SORCS1: variants seen among roughly 807,000 people sequenced by gnomAD.
The protein encoded by SORCS1 is VPS10 domain-containing receptor SorCS1.
Under a neutral mutation model 146.1 loss-of-function variants are expected in SORCS1, and 60 were observed. The ratio of observed to expected loss-of-function variants is 0.41; its 90% CI spans 0.33 to 0.51. The LOEUF is 0.51. Among genes scored for constraint, SORCS1 ranks in the 20% least tolerant of loss-of-function variants. The probability of loss-of-function intolerance (pLI) is 0.21; values close to 1 mark genes in which losing one functional copy is unlikely to be tolerated. For synonymous variants in SORCS1, 637 were observed against 584.0 expected (o/e 1.09, Z -1.31); for missense variants, 1,352 against 1,487.6 (o/e 0.91, Z 1.50).
intron 5 of SORCS1, among the ~76,000 whole-genome samples, chr10:106,747,029 C>G (rs1055317800): frequency 2.0e-5 from 3 of 152,328 alleles, no homozygotes; most frequent in Admixed American, 2.0e-4. Flanking sequence ...CTGTTCAGCA[C>G]ATGATAATGG....
At chr10:106,828,189 T>C (rs1303349711) in intron 3 of SORCS1, among the ~76,000 whole-genome samples, 1 of 152,170 alleles carries the variant, frequency 6.6e-6, no homozygotes, top group African/African-American at 2.4e-5. Context: ...TACTTGGTAA[T>C]AGGTTTAGCT....
At chr10:106,593,877 C>T (rs1220189636) in intron 24 of SORCS1, among the ~76,000 whole-genome samples, 6 of 152,190 alleles carry the variant, frequency 3.9e-5, no homozygotes, top group Non-Finnish European at 7.3e-5. Flanking sequence ...CCAAAATATA[C>T]CTCCCTTTTG....
intron 3 of SORCS1, among the ~76,000 whole-genome samples, chr10:106,829,018 G>GGGA (rs1256188360): frequency 6.6e-6 from 1 of 152,150 alleles, no homozygotes; most frequent in Non-Finnish European, 1.5e-5. Context: ...GCTTCTTGAA[G>GGGA]CTAAGATCCA....
intron 1 of SORCS1, among the ~76,000 whole-genome samples, chr10:107,034,710 A>AAAAAAAAAAAAAAAAAAAAG (rs1958820130): frequency 7.0e-6 from 1 of 143,270 alleles, no homozygotes; most frequent in Non-Finnish European, 1.5e-5. Context: ...AAAAAAAACA[A>AAAAAAAAAAAAAAAAAAAAG]TGTTCATAGA....
chr10:106,624,953 GC>G (rs1346341417), intron 19 of SORCS1, among the ~76,000 whole-genome samples: 1 of 152,158 alleles, frequency 6.6e-6, no homozygotes, highest in Non-Finnish European at 1.5e-5. Context: ...GACCCTGGAG[GC>G]CCCCAGCTGG....
In SORCS1 at chr10:106,577,346, G is replaced by A. The variant is rs1844628715; in HGVS notation, c.*74C>T. 7 of 1,612,106 alleles carry A rather than the reference G, an allele frequency of 4.3e-6. No homozygotes were observed. The highest frequency in any genetic ancestry group is 5.1e-6 in the Non-Finnish European group (6 of 1,179,032). ...AAAAAAACACAAAGTTAGTGGTCAT[G>A]AAGGATGATGTACTTGACAAGAGCG... On this transcript the variant is annotated 3_prime_UTR_variant, in exon 26 of 26. Transcript: ENST00000263054.
chr10:106,706,508 G>A lies in SORCS1; in HGVS notation c.1233+37C>T, dbSNP rs766633470. On this transcript the variant is annotated intron_variant, in intron 8 of 25. Coordinates refer to ENST00000263054, the MANE Select transcript of SORCS1 (RefSeq NM_052918.5). ...TGGAGGCTGGCTTCTGTGAATGAGAGTCAAGAGTGAAATGAAGAAAGTGAT... is the reference window on the plus strand; with the variant it reads ...TGGAGGCTGGCTTCTGTGAATGAGAATCAAGAGTGAAATGAAGAAAGTGAT... 9 of 1,594,720 alleles carry A rather than the reference G, an allele frequency of 5.6e-6. No individual in the cohort carries two copies. The East Asian group carries it at 1.1e-4, about 20-fold the overall frequency.
intron 1 of SORCS1, among the ~76,000 whole-genome samples, chr10:106,996,387 A>T (rs1957005382): frequency 6.6e-6 from 1 of 152,184 alleles, no homozygotes; most frequent in South Asian, 2.1e-4. Flanking sequence ...TTCATCTACA[A>T]TTTAAATAAT....
At chr10:107,147,439 A>G (rs141276386) in intron 1 of SORCS1, among the ~76,000 whole-genome samples, 1 of 152,254 alleles carries the variant, frequency 6.6e-6, no homozygotes, top group Non-Finnish European at 1.5e-5. Context: ...CCTCCCTGCC[A>G]CAAGGGAGCT....
chr10:107,004,840 T>C (rs1170760986), intron 1 of SORCS1, among the ~76,000 whole-genome samples: 1 of 152,102 alleles, frequency 6.6e-6, no homozygotes, highest in Non-Finnish European at 1.5e-5. Context: ...TAAATTCCCA[T>C]AAATATGCTG....
intron 16 of SORCS1, among the ~76,000 whole-genome samples, chr10:106,669,133 G>T (rs140041809): frequency 2.6e-5 from 4 of 152,154 alleles, no homozygotes; most frequent in African/African-American, 7.2e-5. Flanking sequence ...ATGAATGCAG[G>T]GATTGGGCCA....
At chr10:106,769,484 C>CAAAA (rs61628916) in intron 4 of SORCS1, among the ~76,000 whole-genome samples, 38 of 83,924 alleles carry the variant, frequency 4.5e-4, no homozygotes, top group East Asian at 2.2e-3. Context: ...GACTCCGTCT[C>CAAAA]AAAAAAAAAA....
chr10:106,841,162 T>G (rs558292484), intron 2 of SORCS1, among the ~76,000 whole-genome samples: 1 of 151,846 alleles, frequency 6.6e-6, no homozygotes, highest in South Asian at 2.1e-4. Context: ...CCATAAAATA[T>G]TTTTGATTAA....
chr10:107,118,459 T>C (rs961172032), intron 1 of SORCS1, among the ~76,000 whole-genome samples: 6 of 152,240 alleles, frequency 3.9e-5, no homozygotes, highest in African/African-American at 1.4e-4. Flanking sequence ...GATCATATCA[T>C]ATGCATATGC....
chr10:107,081,641 TG>T (rs753373517), intron 1 of SORCS1, among the ~76,000 whole-genome samples: 8 of 152,100 alleles, frequency 5.3e-5, no homozygotes, highest in Non-Finnish European at 1.2e-4. Flanking sequence ...TATTTATAAA[TG>T]CAGCAGATTT....
intron 1 of SORCS1, among the ~76,000 whole-genome samples, chr10:107,069,225 AG>A (rs1962204498): frequency 1.3e-5 from 2 of 152,262 alleles, no homozygotes; most frequent in South Asian, 4.1e-4. Context: ...CCCAGAGAAG[AG>A]GGGATGTGAT....
rs539228353 is a variant in SORCS1 at position 106,747,137 on chromosome 10, G to A, written c.959+14451C>T. Among the ~76,000 whole-genome samples the A allele has an allele frequency of 1.6e-4, 25 of 152,236 alleles. 1 individual carries two copies. The East Asian group carries it at 2.9e-3, about 18-fold the overall frequency. The stretch of plus-strand genomic sequence containing the variant: ...ACCCTTTACCATAAATCTCATAAAC[G>A]CAGGTTCTGTCCCTCACCCCAGGGC... On this transcript the variant is annotated intron_variant, in intron 5 of 25. Transcript: ENST00000263054.
At chr10:106,827,145 G>T (rs1311429673) in intron 3 of SORCS1, among the ~76,000 whole-genome samples, 2 of 151,002 alleles carry the variant, frequency 1.3e-5, no homozygotes, top group Non-Finnish European at 2.9e-5. Context: ...GGAGTTTCTG[G>T]ATCATCACCA....
intron 1 of SORCS1, among the ~76,000 whole-genome samples, chr10:107,022,153 A>G (rs1010306859): frequency 2.1e-4 from 32 of 152,178 alleles, no homozygotes; most frequent in African/African-American, 7.2e-4. Flanking sequence ...AGAACCCACA[A>G]GCAAGTGGTT....
Sources: gnomAD v4.1 joint callset for allele counts (sites outside exome capture counted in the v4.1 genomes callset) on GRCh38, gnomAD v4.1.1 for gene constraint, MANE v1.5 for transcripts, NCBI Gene and HGNC (gene_info 2026-07-23, HGNC 2026-07-21) for gene names.